Variants in NSMCE4A observed in about 807,000 individuals in gnomAD.
NSMCE4A encodes the protein NSE4A component of SMC5/6 complex.
A neutral mutation model predicts 47.9 loss-of-function variants in NSMCE4A; 40 were observed. The ratio of observed to expected loss-of-function variants is 0.83; its 90% confidence interval spans 0.65 to 1.09. The LOEUF is 1.09. Ranked by LOEUF, NSMCE4A falls within the 50% of genes least tolerant of loss-of-function variation. NSMCE4A has a pLI of 0.00. For missense variants in NSMCE4A, 500 were observed against 507.0 expected, an observed-to-expected ratio of 0.99 and a Z score of 0.13; for synonymous variants, 166 against 178.5, an observed-to-expected ratio of 0.93 and a Z score of 0.56.
At position 121,967,729 on chromosome 10, in the gene NSMCE4A, T is replaced by G; in HGVS notation, c.579A>C (p.Ile193=). ...RDEDSPDFEF[I]VYDSWKITGR... is the part of the protein sequence containing the mutation. ...CTGTTATCTTCCAGGAGTCATAGAC[T>G]ATGAATTCAAAATCAGGACTATCTT... The change falls in exon 4 of 11, where the codon ATA becomes ATC. Residue 193 remains isoleucine, a synonymous_variant. Transcript: ENST00000369023. 1 of 1,614,200 alleles carries G rather than the reference T, an allele frequency of 6.2e-7. No individual in the cohort carries two copies. The highest frequency in any genetic ancestry group is 1.1e-5 in the South Asian group (1 of 91,064).
In NSMCE4A at chr10:121,960,054, G is replaced by A. The variant is rs1952470539; in HGVS notation, c.988+304C>T. 6 of 284,486 alleles carry A rather than the reference G, an allele frequency of 2.1e-5. No homozygotes were observed. The South Asian group carries it at 4.1e-4, about 20-fold the overall frequency. The allele number at this position is 284,486 out of a possible 1,614,324, so 17.6% of individuals were successfully genotyped here. A position where few individuals can be genotyped will look rare whatever the true frequency, so the allele number is the denominator to read the frequency against. On this transcript the variant is annotated intron_variant, in intron 8 of 10. Coordinates refer to ENST00000369023, the MANE Select transcript of NSMCE4A (RefSeq NM_017615.3). This position sits in a 1 kb window ranked among gnomAD's most constrained non-coding sequence, Gnocchi z 4.2. ...AGAAGGTGCCGGCATCTGACAAAAC[G>A]TGATTAGAAAGAGGGATACTACAAA...
chr10:121,960,314 A>C lies in NSMCE4A; in HGVS notation c.988+44T>G, dbSNP rs1952475476. ...AAATACTTAAATTCTACTAACAAAT[A>C]TATTTTCTCTAAAACTAATTTTTCC... On this transcript the variant is annotated intron_variant, in intron 8 of 10. Coordinates refer to ENST00000369023, the MANE Select transcript of NSMCE4A (RefSeq NM_017615.3). The surrounding 1 kb of genome is among the most constrained non-coding windows in gnomAD (Gnocchi z 4.2). 2.4e-6 allele frequency: 3 copies of C among 1,252,504 alleles called. No homozygotes were observed. Among genetic ancestry groups the C allele is most frequent in the Admixed American group, 2.9e-5 (1 of 34,200 alleles). 77.6% of individuals were successfully genotyped at this position (1,252,504 alleles called of 1,614,324 possible). A position where few individuals can be genotyped will look rare whatever the true frequency, so the allele number is the denominator to read the frequency against.
At chr10:121,961,803 A>G (rs1952503690) in intron 6 of NSMCE4A, 1 of 310,224 alleles carries the variant, frequency 3.2e-6, no homozygotes, top group Non-Finnish European at 5.9e-6. Flanking sequence ...GTAAAATGCT[A>G]TAAAGAACTT....
chr10:121,965,456 A>C (rs1952590083), intron 4 of NSMCE4A, 71 bp from the exon 5 acceptor site: 5 of 1,200,058 alleles, frequency 4.2e-6, no homozygotes, highest in Middle Eastern at 1.9e-4. Context: ...TTACTAACTA[A>C]AAGTAGTTTG....
At chr10:121,967,496 C>T (rs1018880012) in intron 4 of NSMCE4A, 159 bp downstream of exon 4, 4 of 733,046 alleles carry the variant, frequency 5.5e-6, no homozygotes, top group African/African-American at 5.4e-5. Flanking sequence ...CCACACCCGG[C>T]CTAGTGTTTA....
intron 4 of NSMCE4A, chr10:121,966,969 T>C (rs1250365634): frequency 1.3e-5 from 2 of 152,200 alleles, no homozygotes; most frequent in African/African-American, 2.4e-5. Context: ...TCAGTGGTCA[T>C]CTAACAGGGT....
chr10:121,974,561 G>C (rs1371193690), intron 1 of NSMCE4A: 1 of 1,021,306 alleles, frequency 9.8e-7, no homozygotes, highest in African/African-American at 1.7e-5. Context: ...CGCAATCAAA[G>C]CACGCGGAGT....
intron 1 of NSMCE4A, chr10:121,974,518 C>CGAG: frequency 9.9e-7 from 1 of 1,007,222 alleles, no homozygotes; most frequent in Non-Finnish European, 1.2e-6. Flanking sequence ...GCTGCCGCTG[C>CGAG]GAGGCCGGGA....
intron 6 of NSMCE4A, chr10:121,962,248 T>A: frequency 5.1e-6 from 1 of 195,478 alleles, no homozygotes; most frequent in Non-Finnish European, 1.1e-5. Context: ...GAAACCCAGG[T>A]TCTACTAAAA....
At chr10:121,957,743 C>T (rs1335256465) in intron 10 of NSMCE4A, among the ~76,000 whole-genome samples, 2 of 151,786 alleles carry the variant, frequency 1.3e-5, no homozygotes, top group Non-Finnish European at 2.9e-5. Context: ...CTATTCCCTT[C>T]ATTTAAAATA....
At position 121,970,905 on chromosome 10, in the gene NSMCE4A, A is replaced by AT. The variant is rs368531302; in HGVS notation, c.501+33dup. The AT allele has an allele frequency of 4.5e-4, 703 of 1,556,070 alleles. 8 individuals carry two copies. In the South Asian group the frequency reaches 7.1e-3, roughly 16 times the overall value. ...AAATAATTATAATATATAACAGAACATTTTTTATTCAGAGTCTGTAGCTTT... is the reference window on the plus strand; with the variant it reads ...AAATAATTATAATATATAACAGAACATTTTTTTATTCAGAGTCTGTAGCTTT... On this transcript the variant is annotated intron_variant, in intron 3 of 10. Coordinates refer to ENST00000369023, the MANE Select transcript of NSMCE4A (RefSeq NM_017615.3).
intron 2 of NSMCE4A, among the ~76,000 whole-genome samples, chr10:121,973,003 G>C (rs962609110): frequency 3.9e-5 from 6 of 152,178 alleles, no homozygotes; most frequent in African/African-American, 1.4e-4. Flanking sequence ...GTGGGAGGCG[G>C]AGGCAGGTGG....
At chr10:121,961,873 C>A (rs1188833416) in intron 6 of NSMCE4A, 1 of 216,012 alleles carries the variant, frequency 4.6e-6, no homozygotes, top group Non-Finnish European at 9.2e-6. Context: ...GAGGCCGATG[C>A]TGGCAGATCA....
In NSMCE4A at chr10:121,972,248, G is replaced by GC. The variant is rs551678526; in HGVS notation, c.371-1180_371-1179insG. Among the ~76,000 whole-genome samples, 4 of 152,070 alleles carry GC rather than the reference G, an allele frequency of 2.6e-5. No homozygotes were observed. In the East Asian group the frequency reaches 7.7e-4, roughly 29 times the overall value. On this transcript the variant is annotated intron_variant, in intron 2 of 10. Transcript: ENST00000369023. ...GAAGCTGGAGAATAGCTTTAACCTG[G>GC]GGGGGGCAGAGGTTGCAGTGAGCCA...
At chr10:121,967,989 C>T (rs940177427) in intron 3 of NSMCE4A, among the ~76,000 whole-genome samples, 183 bp from the exon 4 acceptor site, 1 of 152,216 alleles carries the variant, frequency 6.6e-6, no homozygotes, top group African/African-American at 2.4e-5. Flanking sequence ...GCTTCCAAAG[C>T]TACCTTCTTT....
At chr10:121,970,543 A>G (rs1952689060) in intron 3 of NSMCE4A, among the ~76,000 whole-genome samples, 1 of 151,834 alleles carries the variant, frequency 6.6e-6, no homozygotes, top group Non-Finnish European at 1.5e-5. Context: ...ATTCTCAAAG[A>G]CAGACCAAAA....
In NSMCE4A at chr10:121,967,756, A is replaced by C; in HGVS notation, c.552T>G (p.Asp184Glu). 6.2e-7 allele frequency: 1 copy of C among 1,614,144 alleles called. No individual in the cohort carries two copies. The highest frequency in any genetic ancestry group is 8.5e-7 in the Non-Finnish European group (1 of 1,180,014). The change falls in exon 4 of 11, where the codon GAT (aspartate) becomes GAG (glutamate). Residue 184 changes from aspartate to glutamate, a missense_variant. Transcript: ENST00000369023. ...TGAATTCAAAATCAGGACTATCTTC[A>C]TCACGGATGAGTTCTTCAGCTTCTA... ...NPLEAEELIR[D>E]EDSPDFEFIV...
intron 2 of NSMCE4A, among the ~76,000 whole-genome samples, chr10:121,972,006 T>C (rs1296894524): frequency 2.6e-5 from 4 of 151,996 alleles, no homozygotes; most frequent in African/African-American, 4.8e-5. Context: ...AGAAAAGCTA[T>C]GGAAAAAAAA....
intron 1 of NSMCE4A, 59 bp downstream of exon 1, chr10:121,974,815 G>C: frequency 8.0e-7 from 1 of 1,249,400 alleles, no homozygotes; most frequent in Non-Finnish European, 1.0e-6. Context: ...CCCCGCGCCC[G>C]GCGCAGGGCG....
Sources: gnomAD v4.1 joint callset for allele counts (sites outside exome capture counted in the v4.1 genomes callset) on GRCh38, gnomAD v4.1.1 for gene constraint, Gnocchi (gnomAD v3.1) non-coding constraint, MANE v1.5 for transcripts, NCBI Gene and HGNC (gene_info 2026-07-23, HGNC 2026-07-21) for gene names.